Variants in XKR6 observed in about 807,000 individuals in gnomAD.
XKR6 encodes XK-related protein 6.
A neutral mutation model predicts 56.7 loss-of-function variants in XKR6; 22 were observed. That is an observed-to-expected ratio of 0.39 (90% CI 0.28 to 0.55). The LOEUF (loss-of-function observed/expected upper bound fraction) is 0.55. Among genes scored for constraint, XKR6 ranks in the 20% least tolerant of loss-of-function variants. The pLI is 0.66. For synonymous variants in XKR6, 524 were observed against 387.8 expected (o/e 1.35, Z -4.13); for missense variants, 852 against 889.0 (o/e 0.96, Z 0.53).
chr8:11,200,959 G>A lies in XKR6; in HGVS notation c.381C>T (p.Leu127=), dbSNP rs1459618941. 3.9e-6 allele frequency: 6 copies of A among 1,542,478 alleles called. No homozygotes were observed. Among genetic ancestry groups the A allele is most frequent in the Non-Finnish European group, 4.4e-6 (5 of 1,149,258 alleles). Residue 127 remains leucine (L), a synonymous_variant, in exon 1 of 3, where the codon CTC becomes CTT. Transcript: ENST00000416569. The surrounding 1 kb of genome is among the most constrained non-coding windows in gnomAD (Gnocchi z 6.4). ...PPPPQVERPW[L]DCLWIVLALL... Reference sequence around the variant, plus strand: ...GCGCCAGCACGATCCACAGGCAGTCGAGCCACGGCCGCTCCACCTGCGGCG... The same window carrying A: ...GCGCCAGCACGATCCACAGGCAGTCAAGCCACGGCCGCTCCACCTGCGGCG...
intron 1 of XKR6, among the ~76,000 whole-genome samples, chr8:11,096,943 G>A (rs1050003051): frequency 5.9e-5 from 9 of 152,158 alleles, no homozygotes; most frequent in African/African-American, 1.7e-4. Flanking sequence ...GAGAGATTTC[G>A]CCCACTTGCA....
chr8:11,106,881 G>T (rs1263389052), intron 1 of XKR6, among the ~76,000 whole-genome samples: 3 of 102,136 alleles, frequency 2.9e-5, no homozygotes, highest in African/African-American at 1.6e-4. Context: ...AAGATACAAC[G>T]TTACAAAATG....
chr8:11,183,948 C>T (rs1256858310), intron 1 of XKR6, among the ~76,000 whole-genome samples: 1 of 152,194 alleles, frequency 6.6e-6, no homozygotes, highest in Non-Finnish European at 1.5e-5. Flanking sequence ...TCAGGACTGT[C>T]TGTAGTCTGG....
chr8:10,986,166 G>A (rs1328801516), intron 1 of XKR6, among the ~76,000 whole-genome samples: 5 of 152,324 alleles, frequency 3.3e-5, no homozygotes, highest in African/African-American at 1.2e-4. Flanking sequence ...CAAAGGTGGT[G>A]CTTCAAATCA....
chr8:11,100,070 G>C (rs1329015286), intron 1 of XKR6, among the ~76,000 whole-genome samples: 1 of 152,070 alleles, frequency 6.6e-6, no homozygotes, highest in African/African-American at 2.4e-5. Context: ...GTTTTGTTTT[G>C]AGGCAGGGTC....
chr8:11,054,108 T>G (rs904464363), intron 1 of XKR6, among the ~76,000 whole-genome samples: 1 of 152,152 alleles, frequency 6.6e-6, no homozygotes, highest in African/African-American at 2.4e-5. Flanking sequence ...GGGTGAAAGT[T>G]CCAAGCATGC....
chr8:10,918,056 G>C (rs908291613), intron 2 of XKR6, among the ~76,000 whole-genome samples: 1 of 152,152 alleles, frequency 6.6e-6, no homozygotes, highest in African/African-American at 2.4e-5. Flanking sequence ...ATCTCCTCCA[G>C]AGCCACCCAT....
chr8:11,150,334 C>T (rs993776923), intron 1 of XKR6, among the ~76,000 whole-genome samples: 1 of 152,202 alleles, frequency 6.6e-6, no homozygotes, highest in African/African-American at 2.4e-5. Flanking sequence ...CAAAACACCA[C>T]ATGTACCCCA....
At chr8:10,966,784 T>A (rs888079731) in intron 1 of XKR6, among the ~76,000 whole-genome samples, 8 of 152,142 alleles carry the variant, frequency 5.3e-5, no homozygotes, top group Non-Finnish European at 1.2e-4. Context: ...AACCAGGTTT[T>A]AACAAACCCT....
At chr8:11,075,203 G>A (rs111522851) in intron 1 of XKR6, among the ~76,000 whole-genome samples, 23 of 152,288 alleles carry the variant, frequency 1.5e-4, no homozygotes, top group East Asian at 5.8e-4. Flanking sequence ...TCTACAAGGC[G>A]CCACAGTCCC....
chr8:10,988,600 C>A (rs185660697), intron 1 of XKR6, among the ~76,000 whole-genome samples: 2 of 152,254 alleles, frequency 1.3e-5, no homozygotes, highest in South Asian at 2.1e-4. Context: ...TACTGAGGAC[C>A]AGGACTGAGT....
intron 1 of XKR6, among the ~76,000 whole-genome samples, chr8:11,126,917 T>C (rs988239466): frequency 5.9e-5 from 9 of 152,124 alleles, no homozygotes; most frequent in African/African-American, 2.2e-4. Flanking sequence ...CTCAGTGTGT[T>C]CCCTCCATGT....
intron 1 of XKR6, among the ~76,000 whole-genome samples, chr8:11,042,689 T>G (rs1799315150): frequency 6.6e-6 from 1 of 152,244 alleles, no homozygotes; most frequent in South Asian, 2.1e-4. Context: ...TCTGAAATGT[T>G]CCAATGAACA....
Position 11,201,293 on chromosome 8 carries a change from T to G in XKR6, c.47A>C (p.Gln16Pro), listed in dbSNP as rs746512092. Residue 16 changes from glutamine (Q) to proline (P), a missense_variant, in exon 1 of 3, where the codon CAG becomes CCG. By Grantham distance (76) the Gln-to-Pro change is moderately conservative. Transcript: ENST00000416569. ...DGGGVGVGFA[Q>P]LHNLDEAVGS... Reference sequence around the variant, plus strand: ...CACCGCCTCGTCCAGGTTGTGCAGCTGAGCGAAGCCCACCCCCACGCCACC... The same window carrying G: ...CACCGCCTCGTCCAGGTTGTGCAGCGGAGCGAAGCCCACCCCCACGCCACC... 1 of 1,564,590 alleles carries G rather than the reference T, an allele frequency of 6.4e-7. No individual in the cohort carries two copies. Among genetic ancestry groups the G allele is most frequent in the Middle Eastern group, 1.8e-4 (1 of 5,532 alleles).
intron 1 of XKR6, among the ~76,000 whole-genome samples, chr8:11,001,584 C>T (rs1160123035): frequency 6.6e-6 from 1 of 152,252 alleles, no homozygotes; most frequent in African/African-American, 2.4e-5. Context: ...CCAGGCAGGC[C>T]TCTCCTTACC....
intron 1 of XKR6, chr8:11,194,353 A>C (rs1803750653): frequency 6.6e-6 from 1 of 152,214 alleles, no homozygotes; most frequent in Non-Finnish European, 1.5e-5. Context: ...CCTTCATACC[A>C]GGCTATGTCC....
Position 11,201,359 on chromosome 8 carries a change from C to T in XKR6, c.-20G>A. 11 of 1,244,230 alleles carry T rather than the reference C, an allele frequency of 8.8e-6. No individual in the cohort carries two copies. Among genetic ancestry groups the T allele is most frequent in the Non-Finnish European group, 1.1e-5 (11 of 969,230 alleles). 77.1% of individuals were successfully genotyped at this position (1,244,230 alleles called of 1,614,324 possible). A position where few individuals can be genotyped will look rare whatever the true frequency, so the allele number is the denominator to read the frequency against. On this transcript the variant is annotated 5_prime_UTR_variant, in exon 1 of 3. Transcript: ENST00000416569. ...CGCCATCTTGACTCTCTTCCCAGCT[C>T]CGGAGGTTGGGGGGGAGGGACGGCG... is the stretch of plus-strand genomic sequence containing the variant.
At chr8:11,144,973 A>G (rs1037086478) in intron 1 of XKR6, among the ~76,000 whole-genome samples, 3 of 136,886 alleles carry the variant, frequency 2.2e-5, no homozygotes, top group African/African-American at 8.4e-5. Flanking sequence ...GAAGGAAGGG[A>G]GAGAAGGGAG....
At chr8:10,909,550 A>C (rs1800287744) in intron 2 of XKR6, among the ~76,000 whole-genome samples, 1 of 152,204 alleles carries the variant, frequency 6.6e-6, no homozygotes, top group African/African-American at 2.4e-5. Flanking sequence ...AATTACATGC[A>C]AAACTGTGTG....
Sources: allele counts gnomAD v4.1 joint callset (sites outside exome capture counted in the v4.1 genomes callset), GRCh38; gene constraint gnomAD v4.1.1; non-coding constraint Gnocchi (gnomAD v3.1); transcripts MANE v1.5; gene names NCBI Gene and HGNC (gene_info 2026-07-23, HGNC 2026-07-21).